MCHR2: variants seen among roughly 807,000 people sequenced by gnomAD.
MCHR2 encodes melanin-concentrating hormone receptor 2.
In MCHR2, 15 loss-of-function variants were observed where a neutral mutation model predicts 24.8. The ratio of observed to expected loss-of-function variants is 0.60; its 90% CI spans 0.40 to 0.93. The LOEUF is 0.93. Ranked by LOEUF, MCHR2 falls within the 40% of genes least tolerant of loss-of-function variation. MCHR2 has a pLI of 0.00. For synonymous variants in MCHR2, 151 were observed against 147.6 expected, an observed-to-expected ratio of 1.02 and a Z score of -0.17; for missense variants, 386 against 408.7, an observed-to-expected ratio of 0.94 and a Z score of 0.48.
At chr6:99,926,232 CATT>C (rs1774355408) in intron 5 of MCHR2, among the ~76,000 whole-genome samples, 1 of 152,124 alleles carries the variant, frequency 6.6e-6, no homozygotes, top group South Asian at 2.1e-4. Context: ...TCCAGTCTAT[CATT>C]GTTGGACATT....
chr6:99,987,637 T>C (rs1035394869), intron 1 of MCHR2, among the ~76,000 whole-genome samples: 1 of 152,134 alleles, frequency 6.6e-6, no homozygotes, highest in African/African-American at 2.4e-5. Context: ...AAAGTCTGCA[T>C]ACACACACAT....
chr6:99,979,747 G>C (rs1176175591), intron 1 of MCHR2, among the ~76,000 whole-genome samples: 5 of 152,128 alleles, frequency 3.3e-5, no homozygotes, highest in Non-Finnish European at 7.3e-5. Flanking sequence ...CAATATCCTT[G>C]ACAGCAATTC....
intron 1 of MCHR2, among the ~76,000 whole-genome samples, chr6:99,956,776 C>CA (rs925275360): frequency 6.6e-6 from 1 of 151,840 alleles, no homozygotes; most frequent in Admixed American, 6.6e-5. Flanking sequence ...TGCTCACTGC[C>CA]AAAAAATAAA....
chr6:99,949,610 GC>G (rs2114532016), intron 2 of MCHR2, among the ~76,000 whole-genome samples: 1 of 152,190 alleles, frequency 6.6e-6, no homozygotes, highest in East Asian at 1.9e-4. Flanking sequence ...TCTTCTCCAG[GC>G]CTTGGCAGCA....
intron 1 of MCHR2, among the ~76,000 whole-genome samples, chr6:99,975,300 C>T (rs900468109): frequency 9.2e-5 from 14 of 152,306 alleles, no homozygotes; most frequent in Non-Finnish European, 1.6e-4. Context: ...AGTCTCGCTG[C>T]CGCCTTGCAG....
chr6:99,943,381 A>T (rs1428066911), intron 3 of MCHR2, among the ~76,000 whole-genome samples: 3 of 150,938 alleles, frequency 2.0e-5, no homozygotes, highest in African/African-American at 7.3e-5. Context: ...CATGTGCACA[A>T]TGTGCAGGTT....
intron 1 of MCHR2, among the ~76,000 whole-genome samples, chr6:99,984,206 T>C (rs1321040623): frequency 6.6e-6 from 1 of 151,624 alleles, no homozygotes; most frequent in Non-Finnish European, 1.5e-5. Flanking sequence ...CATTTATTTC[T>C]CTACATTTTT....
At chr6:99,923,828 T>C (rs889872706) in intron 5 of MCHR2, among the ~76,000 whole-genome samples, 2 of 152,220 alleles carry the variant, frequency 1.3e-5, no homozygotes, top group East Asian at 3.9e-4. Context: ...TGCTAATATT[T>C]TGTTGTGAAT....
intron 1 of MCHR2, among the ~76,000 whole-genome samples, chr6:99,958,286 G>GAAAA (rs60546915): frequency 0.41 from 62,227 of 151,160 alleles, 13,217 homozygotes; most frequent in East Asian, 0.75. Flanking sequence ...TGTCTAAATG[G>GAAAA]AAAAACCAAT....
chr6:99,950,328 A>G (rs534761151), intron 2 of MCHR2, among the ~76,000 whole-genome samples: 3 of 152,286 alleles, frequency 2.0e-5, no homozygotes, highest in South Asian at 2.1e-4. Context: ...TTCTAACTAT[A>G]TAAATTATAT....
intron 3 of MCHR2, among the ~76,000 whole-genome samples, chr6:99,947,305 T>C (rs1463352986): frequency 6.6e-6 from 1 of 152,130 alleles, no homozygotes; most frequent in Non-Finnish European, 1.5e-5. Flanking sequence ...CAATAACAAG[T>C]GTATGAGACA....
chr6:99,922,386 C>T (rs1200382015), intron 5 of MCHR2, among the ~76,000 whole-genome samples: 1 of 152,122 alleles, frequency 6.6e-6, no homozygotes, highest in Non-Finnish European at 1.5e-5. Context: ...GGATTATAGG[C>T]ATGAGCCACC....
intron 2 of MCHR2, among the ~76,000 whole-genome samples, chr6:99,953,254 T>C (rs1042172044): frequency 6.6e-6 from 1 of 152,154 alleles, no homozygotes; most frequent in Admixed American, 6.6e-5. Flanking sequence ...AGGTTTTGCA[T>C]ATAAAAGTTG....
At chr6:99,948,613 G>C (rs1366212711) in intron 2 of MCHR2, among the ~76,000 whole-genome samples, 4 of 152,082 alleles carry the variant, frequency 2.6e-5, no homozygotes, top group South Asian at 4.1e-4. Flanking sequence ...ATGACCATTG[G>C]ACACACGTGA....
chr6:99,940,982 T>C (rs1421755159), intron 4 of MCHR2, among the ~76,000 whole-genome samples: 1 of 152,198 alleles, frequency 6.6e-6, no homozygotes, highest in Non-Finnish European at 1.5e-5. Flanking sequence ...CCCACCTCCC[T>C]ACTTTGTCTC....
chr6:99,968,104 A>G (rs1426283584), intron 1 of MCHR2, among the ~76,000 whole-genome samples: 1 of 152,194 alleles, frequency 6.6e-6, no homozygotes, highest in Non-Finnish European at 1.5e-5. Context: ...AATATCAGTT[A>G]TTACAATAAT....
intron 1 of MCHR2, among the ~76,000 whole-genome samples, chr6:99,974,975 C>G (rs962973103): frequency 1.3e-5 from 2 of 152,198 alleles, no homozygotes; most frequent in African/African-American, 4.8e-5. Flanking sequence ...AGGTGTCAGT[C>G]TGCCCCTACT....
intron 3 of MCHR2, among the ~76,000 whole-genome samples, chr6:99,943,996 T>C (rs4559096): frequency 0.63 from 96,386 of 152,008 alleles, 30,602 homozygotes; most frequent in East Asian, 0.77. Context: ...CATTTTGCCC[T>C]GATGGCTTTA....
chr6:99,964,422 G>T (rs1221436948), intron 1 of MCHR2, among the ~76,000 whole-genome samples: 1 of 152,072 alleles, frequency 6.6e-6, no homozygotes, highest in Non-Finnish European at 1.5e-5. Context: ...AAAGGAAAGA[G>T]GTTTAGTTGA....
Sources: allele counts gnomAD v4.1 joint callset (sites outside exome capture counted in the v4.1 genomes callset), GRCh38; gene constraint gnomAD v4.1.1; transcripts MANE v1.5; gene names NCBI Gene and HGNC (gene_info 2026-07-23, HGNC 2026-07-21).